Variants in DCAF6 observed in about 807,000 individuals in gnomAD.
DCAF6 encodes the protein DDB1 and CUL4 associated factor 6, also known as DDB1- and CUL4-associated factor 6.
DCAF6 carries 54 observed loss-of-function variants against 125.1 expected under a neutral mutation model. The observed-to-expected ratio is 0.43, with a 90% CI of 0.35 to 0.54. DCAF6 has a LOEUF of 0.54. Among genes scored for constraint, DCAF6 ranks in the 20% least tolerant of loss-of-function variants. The pLI is 0.01. For synonymous variants in DCAF6, 371 were observed against 390.4 expected (o/e 0.95, Z 0.58); for missense variants, 934 against 1,161.7 (o/e 0.80, Z 2.85).
chr1:167,895,088 A>G, the DCAF6 span, among the ~76,000 whole-genome samples: 2 of 151,738 alleles, frequency 1.3e-5, no homozygotes, highest in African/African-American at 4.8e-5. Flanking sequence ...AGGCTGAGGC[A>G]GGAGAATCGC....
intron 17 of DCAF6, among the ~76,000 whole-genome samples, chr1:168,055,068 A>G (rs1380052031): frequency 6.6e-6 from 1 of 152,132 alleles, no homozygotes; most frequent in East Asian, 1.9e-4. Flanking sequence ...AGCATTTCCA[A>G]TGAACCATAA....
chr1:168,047,700 ATATG>A (rs1428790121), intron 16 of DCAF6, among the ~76,000 whole-genome samples: 2 of 151,940 alleles, frequency 1.3e-5, no homozygotes, highest in African/African-American at 4.8e-5. Context: ...AATTATATAT[ATATG>A]TGTGTGTGTG....
the DCAF6 span, chr1:167,870,450 C>A: frequency 6.6e-7 from 1 of 1,524,088 alleles, no homozygotes; most frequent in Non-Finnish European, 9.0e-7. Context: ...ACTCAATCAA[C>A]GTAAAATAGT....
At chr1:167,922,078 A>G in the DCAF6 span, among the ~76,000 whole-genome samples, 1 of 152,224 alleles carries the variant, frequency 6.6e-6, no homozygotes, top group African/African-American at 2.4e-5. Context: ...TGTCATGTAT[A>G]GAATTCTACA....
chr1:167,977,212 T>TG (rs1678380350), intron 4 of DCAF6, among the ~76,000 whole-genome samples: 1 of 150,992 alleles, frequency 6.6e-6, no homozygotes, highest in Non-Finnish European at 1.5e-5. Flanking sequence ...GCCACAGTTT[T>TG]TTTTTTTTTT....
chr1:167,920,624 A>G, the DCAF6 span: 1 of 1,613,466 alleles, frequency 6.2e-7, no homozygotes, highest in Non-Finnish European at 8.5e-7. Context: ...TCCAGCACAC[A>G]CCAACCCCTA....
intron 11 of DCAF6, chr1:168,019,886 G>A (rs546802548): frequency 1.3e-5 from 2 of 159,404 alleles, no homozygotes; most frequent in Non-Finnish European, 1.4e-5. Flanking sequence ...TCACATGGCA[G>A]CACTTCTCAG....
At position 168,011,955 on chromosome 1, in the gene DCAF6, A is replaced by G. The variant is rs146052431; in HGVS notation, c.1379-3826A>G. ...TCCATTGCACTCCAGCCTGGGCGACAGAGTGAGCCTCTGTCTCAGAAAAAA... is the reference window on the plus strand; with the variant it reads ...TCCATTGCACTCCAGCCTGGGCGACGGAGTGAGCCTCTGTCTCAGAAAAAA... On this transcript the variant is annotated intron_variant, in intron 10 of 21. Coordinates refer to ENST00000367840, the MANE Select transcript of DCAF6 (RefSeq NM_001198956.2). Among the ~76,000 whole-genome samples the G allele has an allele frequency of 7.0e-3, 1,072 of 152,272 alleles. 13 individuals are homozygous for G. The highest frequency in any genetic ancestry group is 0.024 in the African/African-American group (1,003 of 41,548).
At chr1:167,901,560 G>A in the DCAF6 span, 3 of 1,224,620 alleles carry the variant, frequency 2.4e-6, no homozygotes, top group Middle Eastern at 2.2e-4. Flanking sequence ...TCATGGGGCT[G>A]AGCCACCATG....
chr1:167,925,483 A>ATATATATG, the DCAF6 span, among the ~76,000 whole-genome samples: 1 of 137,086 alleles, frequency 7.3e-6, no homozygotes, highest in Non-Finnish European at 1.6e-5. Flanking sequence ...ATACATATAC[A>ATATATATG]TATACACACA....
chr1:168,044,097 T>C (rs1049848812), intron 14 of DCAF6, among the ~76,000 whole-genome samples: 6 of 152,150 alleles, frequency 3.9e-5, no homozygotes, highest in African/African-American at 1.4e-4. Flanking sequence ...CCGTCCATGA[T>C]AGTGTTTGTA....
intron 2 of DCAF6, among the ~76,000 whole-genome samples, chr1:167,959,314 G>A (rs1325230878): frequency 6.6e-6 from 1 of 152,208 alleles, no homozygotes; most frequent in East Asian, 1.9e-4. Flanking sequence ...AAAATTGGCA[G>A]TTATGAGTAA....
chr1:167,934,214 G>A (rs866045249), upstream of DCAF6, among the ~76,000 whole-genome samples: 2 of 152,228 alleles, frequency 1.3e-5, no homozygotes, highest in South Asian at 4.2e-4. Context: ...AAAACTAAAG[G>A]CTTGGAAAGG....
chr1:168,048,872 C>T (rs371592075), intron 16 of DCAF6, among the ~76,000 whole-genome samples: 4 of 152,174 alleles, frequency 2.6e-5, no homozygotes, highest in Admixed American at 6.5e-5. Flanking sequence ...CGGCATTTGG[C>T]GGAGATCTAG....
At chr1:167,904,500 A>ACCCC in the DCAF6 span, 1 of 233,582 alleles carries the variant, frequency 4.3e-6, no homozygotes, top group Non-Finnish European at 8.3e-6. Flanking sequence ...AAGGCTCCAG[A>ACCCC]TATTTCTTTC....
At chr1:168,013,508 G>A (rs1353071964) in intron 10 of DCAF6, among the ~76,000 whole-genome samples, 2 of 152,044 alleles carry the variant, frequency 1.3e-5, no homozygotes, top group African/African-American at 4.8e-5. Flanking sequence ...TGACATCTCT[G>A]TGCATATTTT....
chr1:168,002,448 A>C, intron 7 of DCAF6, 34 bp from the exon 8 acceptor site: 1 of 1,581,214 alleles, frequency 6.3e-7, no homozygotes. Context: ...TGAGTTTTAG[A>C]CTTACATAGA....
At chr1:168,066,301 C>T in intron 19 of DCAF6, 76 bp from the exon 20 acceptor site, 2 of 858,528 alleles carry the variant, frequency 2.3e-6, no homozygotes, top group South Asian at 1.9e-5. Context: ...GCTATATATA[C>T]ATATATGCAT....
At chr1:167,935,016 G>A (rs997159800), upstream of DCAF6, among the ~76,000 whole-genome samples, 1 of 151,920 alleles carries the variant, frequency 6.6e-6, no homozygotes. Context: ...AAAGAGTCAA[G>A]CACATATGTT....
Sources: gnomAD v4.1 joint callset for allele counts (sites outside exome capture counted in the v4.1 genomes callset) on GRCh38, gnomAD v4.1.1 for gene constraint, MANE v1.5 for transcripts, NCBI Gene and HGNC (gene_info 2026-07-23, HGNC 2026-07-21) for gene names.